Variants in WSCD1 observed in about 807,000 individuals in gnomAD.
WSCD1 encodes the protein WSC domain sialate O sulfotransferase 1.
A neutral mutation model predicts 60.4 loss-of-function variants in WSCD1; 41 were observed. The observed-to-expected ratio is 0.68, with a 90% CI of 0.53 to 0.88. WSCD1 has a LOEUF of 0.88. Ranked by LOEUF, WSCD1 falls within the 40% of genes least tolerant of loss-of-function variation. The pLI is 0.00. For missense variants in WSCD1, 784 were observed against 796.2 expected (o/e 0.98, Z 0.18); for synonymous variants, 361 against 332.5 (o/e 1.09, Z -0.93).
At chr17:6,090,714 T>G (rs1909979495) in intron 4 of WSCD1, among the ~76,000 whole-genome samples, 1 of 152,180 alleles carries the variant, frequency 6.6e-6, no homozygotes, top group Admixed American at 6.5e-5. Context: ...AGTTCATGAC[T>G]GAAGCATACC....
chr17:6,084,193 G>A (rs1393353001), intron 2 of WSCD1, among the ~76,000 whole-genome samples: 1 of 152,192 alleles, frequency 6.6e-6, no homozygotes, highest in East Asian at 1.9e-4. Context: ...AATGGTCAGT[G>A]CCCTCCATAG....
In WSCD1 at chr17:6,070,418, C is replaced by T. The variant is rs1195269931; in HGVS notation, c.-523C>T. On this transcript the variant is annotated 5_prime_UTR_variant, in exon 1 of 9. Coordinates refer to ENST00000317744, the MANE Select transcript of WSCD1 (RefSeq NM_015253.2). ...CCGCTCGCCCGCCCGCTGCCCGCCC[C>T]GGCTCCGCGCCCGCCCGCCCGCCCC... 2 of 146,932 alleles carry T rather than the reference C, an allele frequency of 1.4e-5. No individual in the cohort carries two copies. The highest frequency in any genetic ancestry group is 2.0e-4 in the East Asian group (1 of 5,062). 9.1% of individuals were successfully genotyped at this position (146,932 alleles called of 1,614,324 possible).
rs957664100 is a variant in WSCD1, at chr17:6,120,169, C to T, written c.1376-140C>T. The T allele has an allele frequency of 3.2e-6, 3 of 940,566 alleles. No individual in the cohort carries two copies. In the African/African-American group the frequency reaches 4.9e-5, roughly 15 times the overall value. 58.3% of individuals were successfully genotyped at this position (940,566 alleles called of 1,614,324 possible). A position where few individuals can be genotyped will look rare whatever the true frequency, so the allele number is the denominator to read the frequency against. On this transcript the variant is annotated intron_variant, in intron 8 of 8. Transcript: ENST00000317744. ...TGCTCAGCCACCAAAGGGTCCTCCT[C>T]CATGGGGAATGCCAGGTTGACTCTA...
At chr17:6,099,279 G>A (rs370012697) in intron 5 of WSCD1, among the ~76,000 whole-genome samples, 1 of 152,106 alleles carries the variant, frequency 6.6e-6, no homozygotes, top group African/African-American at 2.4e-5. Flanking sequence ...CACTTTGGGA[G>A]GCTGAGGTGG....
chr17:6,115,081 C>A (rs755558672), intron 7 of WSCD1, among the ~76,000 whole-genome samples: 78 of 152,342 alleles, frequency 5.1e-4, no homozygotes, highest in Admixed American at 1.6e-3. Flanking sequence ...TCCTGGCCCA[C>A]ACCCCTGACA....
rs1350910077 is a variant in WSCD1, at chr17:6,080,408, GA to G, written c.-249del. The G allele has an allele frequency of 3.8e-6, 2 of 531,394 alleles. No individual in the cohort carries two copies. Among genetic ancestry groups the G allele is most frequent in the Non-Finnish European group, 6.6e-6 (2 of 303,358 alleles). 32.9% of individuals were successfully genotyped at this position (531,394 alleles called of 1,614,324 possible). A position where few individuals can be genotyped will look rare whatever the true frequency, so the allele number is the denominator to read the frequency against. ...GGAGATGAGGGGCGGTAGAGCCCTGGAATGGAGATGTCCTTGACGCCTGGGC... is the reference window on the plus strand; with the variant it reads ...GGAGATGAGGGGCGGTAGAGCCCTGGATGGAGATGTCCTTGACGCCTGGGC... On this transcript the variant is annotated 5_prime_UTR_variant, in exon 2 of 9. In the 5' UTR this introduces an upstream ATG that the reference lacks. Transcript: ENST00000317744. This position sits in a 1 kb window ranked among gnomAD's most constrained non-coding sequence, Gnocchi z 6.6.
At chr17:6,070,948 C>T (rs1340823982) in intron 1 of WSCD1, among the ~76,000 whole-genome samples, 1 of 151,900 alleles carries the variant, frequency 6.6e-6, no homozygotes, top group Non-Finnish European at 1.5e-5. Flanking sequence ...CCGCGTCCCC[C>T]TCCGGAGTCC....
In WSCD1 at chr17:6,118,264, T is replaced by A. The variant is rs1194486236; in HGVS notation, c.1375+76T>A. 6.7e-7 allele frequency: 1 copy of A among 1,484,608 alleles called. No individual in the cohort carries two copies. Among genetic ancestry groups the A allele is most frequent in the Non-Finnish European group, 9.2e-7 (1 of 1,085,898 alleles). 92.0% of individuals were successfully genotyped at this position (1,484,608 alleles called of 1,614,324 possible). The stretch of plus-strand genomic sequence containing the variant: ...TTGCTCATCAGGATGCAGGATCAAT[T>A]TACACAGGTAGGCACTGCAGGATGC... On this transcript the variant is annotated intron_variant, in intron 8 of 8. Transcript: ENST00000317744. This position sits in a 1 kb window ranked among gnomAD's most constrained non-coding sequence, Gnocchi z 5.8.
At position 6,101,104 on chromosome 17, in the gene WSCD1, C is replaced by G. The variant is rs1597364462; in HGVS notation, c.849+5881C>G. ...TCTGGGGATGTCTGGCCGTATTTGCCTGCTCTGAAGTGCCAAGCACGTCCT... is the reference window on the plus strand; with the variant it reads ...TCTGGGGATGTCTGGCCGTATTTGCGTGCTCTGAAGTGCCAAGCACGTCCT... On this transcript the variant is annotated intron_variant, in intron 5 of 8. Transcript: ENST00000317744. The surrounding 1 kb of genome is among the most constrained non-coding windows in gnomAD (Gnocchi z 4.1). Among the ~76,000 whole-genome samples the G allele has an allele frequency of 1.3e-5, 2 of 152,224 alleles. No homozygotes were observed. The highest frequency in any genetic ancestry group is 4.8e-5 in the African/African-American group (2 of 41,540).
intron 1 of WSCD1, among the ~76,000 whole-genome samples, chr17:6,072,962 G>A (rs1447187132): frequency 6.6e-6 from 1 of 152,216 alleles, no homozygotes; most frequent in Non-Finnish European, 1.5e-5. Flanking sequence ...TGCACCTGCT[G>A]GTAGCTGTTA....
chr17:6,082,881 C>A (rs575240614), intron 2 of WSCD1, among the ~76,000 whole-genome samples: 1 of 152,300 alleles, frequency 6.6e-6, no homozygotes, highest in South Asian at 2.1e-4. Context: ...GGAGCCCAAG[C>A]TGTCCTTACT....
chr17:6,100,329 G>A (rs906459505), intron 5 of WSCD1, among the ~76,000 whole-genome samples: 1 of 152,188 alleles, frequency 6.6e-6, no homozygotes, highest in Non-Finnish European at 1.5e-5. Flanking sequence ...AGATGCCTTG[G>A]CAAAGCTGCC....
chr17:6,124,228 T>C lies in WSCD1; in HGVS notation c.*3567T>C, dbSNP rs548091334. On this transcript the variant is annotated 3_prime_UTR_variant, in exon 9 of 9. Transcript: ENST00000317744. ...AAAAAGGTAGTAGTATTCCTGGGTC[T>C]TTATGATGACCACCTTGGGCCTTGG... is the stretch of plus-strand genomic sequence containing the variant. 6.6e-6 allele frequency: 1 copy of C among 152,332 alleles called. No individual in the cohort carries two copies. Among genetic ancestry groups the C allele is most frequent in the East Asian group, 1.9e-4 (1 of 5,184 alleles). The allele number at this position is 152,332 out of a possible 1,614,324, so 9.4% of individuals were successfully genotyped here.
At chr17:6,094,433 A>T (rs1345160667) in intron 4 of WSCD1, among the ~76,000 whole-genome samples, 1 of 152,202 alleles carries the variant, frequency 6.6e-6, no homozygotes, top group Non-Finnish European at 1.5e-5. Flanking sequence ...TTTTCTTTTA[A>T]TGCATCTTCC....
At chr17:6,107,920 T>C (rs555733889) in intron 5 of WSCD1, among the ~76,000 whole-genome samples, 2 of 152,284 alleles carry the variant, frequency 1.3e-5, no homozygotes, top group African/African-American at 2.4e-5. Flanking sequence ...ATGGGTCTAG[T>C]TGGACGTACT....
intron 5 of WSCD1, among the ~76,000 whole-genome samples, chr17:6,097,657 C>T (rs1910530994): frequency 6.6e-6 from 1 of 152,244 alleles, no homozygotes; most frequent in Non-Finnish European, 1.5e-5. Flanking sequence ...CAGTGACTAC[C>T]TGTGTATGTA....
rs1473657339 is a variant in WSCD1 at position 6,080,613 on chromosome 17, A to G, written c.-46A>G. The G allele has an allele frequency of 6.3e-7, 1 of 1,598,564 alleles. No homozygotes were observed. On this transcript the variant is annotated 5_prime_UTR_variant, in exon 2 of 9. It removes the in-frame stop codon of an upstream open reading frame in the 5' UTR. Transcript: ENST00000317744. This position sits in a 1 kb window ranked among gnomAD's most constrained non-coding sequence, Gnocchi z 6.6. ...CTGGCCTCACTCCCACCTGGGCGCT[A>G]GGAGCCATCCCGGGGCTCCAGCCAG...
chr17:6,092,594 C>T (rs1597358927), intron 4 of WSCD1, among the ~76,000 whole-genome samples: 1 of 152,192 alleles, frequency 6.6e-6, no homozygotes, highest in Non-Finnish European at 1.5e-5. Flanking sequence ...CCTGGACATG[C>T]AAACGGGCTT....
At chr17:6,106,850 T>C (rs947460923) in intron 5 of WSCD1, among the ~76,000 whole-genome samples, 2 of 150,908 alleles carry the variant, frequency 1.3e-5, no homozygotes, top group Non-Finnish European at 3.0e-5. Flanking sequence ...GCTATGAGGG[T>C]ATCTGGGTGA....
Sources: gnomAD v4.1 joint callset for allele counts (sites outside exome capture counted in the v4.1 genomes callset) on GRCh38, gnomAD v4.1.1 for gene constraint, Gnocchi (gnomAD v3.1) non-coding constraint, MANE v1.5 for transcripts, NCBI Gene and HGNC (gene_info 2026-07-23, HGNC 2026-07-21) for gene names.